Variants in AGL observed in about 807,000 individuals in gnomAD.
AGL encodes amylo-alpha-1,6-glucosidase and 4-alpha-glucanotransferase.
A neutral mutation model predicts 199.3 loss-of-function variants in AGL; 128 were observed. The ratio of observed to expected loss-of-function variants is 0.64; its 90% CI spans 0.56 to 0.74. AGL has a LOEUF of 0.74. Ranked by LOEUF, AGL falls within the 30% of genes least tolerant of loss-of-function variation. The pLI, the probability that AGL is intolerant of heterozygous loss-of-function variation, is 0.00. For synonymous variants in AGL, 584 were observed against 594.7 expected (o/e 0.98, Z 0.26); for missense variants, 1,809 against 1,820.8 (o/e 0.99, Z 0.12).
At chr1:99,886,147 A>G (rs6577144) in intron 20 of AGL, among the ~76,000 whole-genome samples, 78,443 of 152,040 alleles carry the variant, frequency 0.52, 20,701 homozygotes, top group East Asian at 0.68. Context: ...GACTAACTGG[A>G]TTTGAATTCC....
intron 12 of AGL, among the ~76,000 whole-genome samples, chr1:99,879,204 T>C (rs535326879): frequency 6.6e-5 from 10 of 152,304 alleles, no homozygotes; most frequent in Non-Finnish European, 1.5e-4. Flanking sequence ...ATCTAATCTT[T>C]CCAACAGCTA....
intron 33 of AGL, among the ~76,000 whole-genome samples, chr1:99,919,180 C>G (rs1655343869): frequency 6.6e-6 from 1 of 152,158 alleles, no homozygotes; most frequent in Admixed American, 6.5e-5. Flanking sequence ...CACCTGTGTT[C>G]CCCCTCTCTG....
At chr1:99,858,508 A>C (rs1464283297) in intron 2 of AGL, among the ~76,000 whole-genome samples, 1 of 152,202 alleles carries the variant, frequency 6.6e-6, no homozygotes, top group Non-Finnish European at 1.5e-5. Context: ...GCAAACATAC[A>C]TGAATGGATG....
chr1:99,859,965 A>C (rs1649899139), intron 2 of AGL, among the ~76,000 whole-genome samples: 1 of 152,208 alleles, frequency 6.6e-6, no homozygotes, highest in Admixed American at 6.5e-5. Flanking sequence ...ATTTCATTTC[A>C]ATAAATGAGG....
rs747215990 is a variant in AGL at position 99,891,236 on chromosome 1, G to A, written c.2829G>A (p.Leu943=). 2.5e-6 allele frequency: 4 copies of A among 1,613,466 alleles called. No individual in the cohort carries two copies. The highest frequency in any genetic ancestry group is 3.4e-6 in the Non-Finnish European group (4 of 1,179,636). The change falls in exon 22 of 34, where the codon TTG becomes TTA. Residue 943 remains leucine, a synonymous_variant. Transcript: ENST00000361915. ...AATTTTCAGGTTTAATGTCTGTATT[G>A]GCAGAAATAAGACCAAAGAATGACT... ...YAGLQGLMSV[L]AEIRPKNDLG...
At chr1:99,912,573 A>G (rs1436892748) in intron 29 of AGL, 56 bp downstream of exon 29, 4 of 1,230,446 alleles carry the variant, frequency 3.3e-6, no homozygotes, top group African/African-American at 1.5e-5. Context: ...TATATTCTCA[A>G]CCTATGTAAT....
At chr1:99,917,872 T>TTACC (rs1305388077) in intron 33 of AGL, among the ~76,000 whole-genome samples, 5 of 152,198 alleles carry the variant, frequency 3.3e-5, no homozygotes, top group Non-Finnish European at 7.3e-5. Flanking sequence ...TTACCTGTTA[T>TTACC]TACCCCCCAC....
Position 99,868,378 on chromosome 1 carries a change from G to A in AGL, c.665-2022G>A, listed in dbSNP as rs185096959. Among the ~76,000 whole-genome samples the A allele has an allele frequency of 7.2e-4, 109 of 152,240 alleles. 1 individual carries two copies. Among genetic ancestry groups the A allele is most frequent in the African/African-American group, 2.4e-3 (98 of 41,532 alleles). ...TGTAATCCCAGCACTTTGGGAGGCC[G>A]TGGCGGATGGGTCACCTGAGGTCAG... On this transcript the variant is annotated intron_variant, in intron 5 of 33. Transcript: ENST00000361915.
At chr1:99,907,460 G>A (rs962598815) in intron 27 of AGL, among the ~76,000 whole-genome samples, 1 of 152,018 alleles carries the variant, frequency 6.6e-6, no homozygotes, top group African/African-American at 2.4e-5. Context: ...ATTCTTTTGG[G>A]TATCTACCTA....
At chr1:99,871,947 ATATATAATTT>A (rs1371394750) in intron 7 of AGL, among the ~76,000 whole-genome samples, 1 of 151,782 alleles carries the variant, frequency 6.6e-6, no homozygotes, top group African/African-American at 2.4e-5. Flanking sequence ...ATTCAATTTT[ATATATAATTT>A]TATATAATTC....
intron 7 of AGL, among the ~76,000 whole-genome samples, chr1:99,873,110 TC>T (rs1193391845): frequency 6.6e-6 from 1 of 152,152 alleles, no homozygotes; most frequent in Admixed American, 6.6e-5. Flanking sequence ...GAAAAGACCT[TC>T]CATCAACATT....
Position 99,921,593 on chromosome 1 carries a change from G to A in AGL, c.4541G>A (p.Ser1514Asn), listed in dbSNP as rs1356772401. ...GAGAATGCCCAGTACTGTCCTTTCA[G>A]CTGTGAAACACAAGCCTGGTCAATT... is the stretch of plus-strand genomic sequence containing the variant. ...TNENAQYCPF[S>N]CETQAWSIAT... Residue 1514 changes from serine (S) to asparagine (N), a missense_variant, in exon 34 of 34, where the codon AGC (serine) becomes AAC (asparagine). Coordinates refer to ENST00000361915, the MANE Select transcript of AGL (RefSeq NM_000642.3). The A allele has an allele frequency of 6.2e-7, 1 of 1,613,140 alleles. No individual in the cohort carries two copies. Among genetic ancestry groups the A allele is most frequent in the South Asian group, 1.1e-5 (1 of 91,042 alleles).
At chr1:99,868,997 T>A (rs1283192291) in intron 5 of AGL, among the ~76,000 whole-genome samples, 3 of 152,122 alleles carry the variant, frequency 2.0e-5, no homozygotes, top group Non-Finnish European at 4.4e-5. Context: ...GCTAATTTTT[T>A]AAAAATTTTG....
At chr1:99,863,898 T>G in intron 4 of AGL, among the ~76,000 whole-genome samples, 1 of 152,122 alleles carries the variant, frequency 6.6e-6, no homozygotes. Context: ...TGCCTTGGCC[T>G]CCCAAAGTGC....
chr1:99,921,405 G>A (rs1174046225), intron 33 of AGL, 129 bp from the exon 34 acceptor site: 2 of 731,538 alleles, frequency 2.7e-6, no homozygotes, highest in East Asian at 2.5e-5. Flanking sequence ...TTAGGATATT[G>A]TTTTATTTTG....
intron 8 of AGL, 129 bp downstream of exon 8, chr1:99,874,939 C>T (rs2101127008): frequency 1.6e-6 from 2 of 1,237,642 alleles, no homozygotes; most frequent in Non-Finnish European, 2.3e-6. Flanking sequence ...TGTAATTCTA[C>T]TATTTCAGCA....
At position 99,892,472 on chromosome 1, in the gene AGL, T is replaced by G. The variant is rs764821272; in HGVS notation, c.3124T>G (p.Leu1042Val). Residue 1042 changes from leucine to valine, a missense_variant, in exon 24 of 34, where the codon TTG becomes GTG. Coordinates refer to ENST00000361915, the MANE Select transcript of AGL (RefSeq NM_000642.3). ...NGSTFVKHLS[L>V]GSVQLCGVGK... ...TTCAACCTTTGTGAAACACCTTTCA[T>G]TGGGTTCAGTTCAACTGTGTGGAGT... 13 of 1,613,624 alleles carry G rather than the reference T, an allele frequency of 8.1e-6. No homozygotes were observed. The highest frequency in any genetic ancestry group is 6.7e-5 in the African/African-American group (5 of 75,022).
intron 25 of AGL, 40 bp downstream of exon 25, chr1:99,896,428 C>T: frequency 1.4e-6 from 2 of 1,430,924 alleles, no homozygotes; most frequent in Non-Finnish European, 2.0e-6. Flanking sequence ...GAGTTTATGT[C>T]TGAATGTCTT....
At chr1:99,861,480 A>G (rs766485864) in intron 2 of AGL, 23 bp from the exon 3 acceptor site, 12 of 1,613,638 alleles carry the variant, frequency 7.4e-6, no homozygotes, top group Non-Finnish European at 8.5e-6. Context: ...CGATGAGTTT[A>G]TTAACATGTG....
Sources: allele counts gnomAD v4.1 joint callset (sites outside exome capture counted in the v4.1 genomes callset), GRCh38; gene constraint gnomAD v4.1.1; transcripts MANE v1.5; gene names NCBI Gene and HGNC (gene_info 2026-07-23, HGNC 2026-07-21).